DLG2: variants seen among roughly 807,000 people sequenced by gnomAD.
DLG2 encodes the protein discs large MAGUK scaffold protein 2.
A neutral mutation model predicts 132.5 loss-of-function variants in DLG2; 45 were observed. The observed-to-expected ratio is 0.34, with a 90% CI of 0.27 to 0.44. The LOEUF is 0.44. Ranked by LOEUF, DLG2 falls within the 20% of genes least tolerant of loss-of-function variation. The probability of loss-of-function intolerance (pLI) is 1.00; values close to 1 mark genes in which losing one functional copy is unlikely to be tolerated. For synonymous variants in DLG2, 424 were observed against 419.6 expected (o/e 1.01, Z -0.13); for missense variants, 1,045 against 1,196.9 (o/e 0.87, Z 1.87).
chr11:84,290,715 C>G (rs1424217157), intron 7 of DLG2, among the ~76,000 whole-genome samples: 1 of 152,056 alleles, frequency 6.6e-6, no homozygotes, highest in Non-Finnish European at 1.5e-5. Flanking sequence ...GGTCTTAAAG[C>G]TTGCTATTTG....
intron 3 of DLG2, among the ~76,000 whole-genome samples, chr11:85,409,616 T>C (rs1199720763): frequency 4.0e-5 from 6 of 151,782 alleles, no homozygotes. Context: ...CATTAAAGAA[T>C]CTTGAACTCA....
intron 3 of DLG2, among the ~76,000 whole-genome samples, chr11:85,580,107 C>T (rs1358823084): frequency 5.3e-5 from 8 of 152,184 alleles, no homozygotes; most frequent in Non-Finnish European, 1.2e-4. Context: ...CACACTCTCT[C>T]TCTCTTTGCC....
At chr11:84,373,269 A>AAAAC (rs1555532736) in intron 7 of DLG2, among the ~76,000 whole-genome samples, 8 of 128,430 alleles carry the variant, frequency 6.2e-5, no homozygotes, top group Non-Finnish European at 9.5e-5. Context: ...AAAAAACAAA[A>AAAAC]CAAAAAAAAA....
intron 3 of DLG2, among the ~76,000 whole-genome samples, chr11:85,370,613 A>G (rs1200830515): frequency 6.6e-6 from 1 of 152,220 alleles, no homozygotes; most frequent in Non-Finnish European, 1.5e-5. Flanking sequence ...TTTTGGCAAA[A>G]TAATTACCTT....
intron 6 of DLG2, among the ~76,000 whole-genome samples, chr11:85,074,202 T>C (rs904050674): frequency 1.3e-5 from 2 of 151,876 alleles, no homozygotes; most frequent in African/African-American, 4.8e-5. Flanking sequence ...ACATGCAATT[T>C]ACCTAGATAA....
intron 7 of DLG2, among the ~76,000 whole-genome samples, chr11:84,304,313 A>T (rs1205084926): frequency 6.6e-6 from 1 of 152,208 alleles, no homozygotes; most frequent in Non-Finnish European, 1.5e-5. Flanking sequence ...GGAGACTGAG[A>T]AGGAAACTAA....
At chr11:85,063,042 T>G (rs1331956774) in intron 6 of DLG2, among the ~76,000 whole-genome samples, 1 of 151,844 alleles carries the variant, frequency 6.6e-6, no homozygotes, top group Non-Finnish European at 1.5e-5. Flanking sequence ...GGTGATAACT[T>G]AACAAAATCT....
At chr11:84,091,917 G>A (rs1368015347) in intron 10 of DLG2, among the ~76,000 whole-genome samples, 1 of 152,148 alleles carries the variant, frequency 6.6e-6, no homozygotes, top group Non-Finnish European at 1.5e-5. Context: ...GACTTACTTA[G>A]TACGTAAAGG....
At chr11:85,301,336 C>T (rs888477105) in intron 3 of DLG2, among the ~76,000 whole-genome samples, 2 of 152,010 alleles carry the variant, frequency 1.3e-5, no homozygotes, top group Non-Finnish European at 2.9e-5. Context: ...AAGTATTGAT[C>T]ATGTCAGTAA....
intron 12 of DLG2, among the ~76,000 whole-genome samples, chr11:83,973,088 A>G (rs2091629597): frequency 6.6e-6 from 1 of 152,148 alleles, no homozygotes; most frequent in South Asian, 2.1e-4. Flanking sequence ...GGTACAAGAG[A>G]AAAACATTTG....
At chr11:84,358,893 T>C (rs938390898) in intron 7 of DLG2, among the ~76,000 whole-genome samples, 5 of 151,892 alleles carry the variant, frequency 3.3e-5, no homozygotes, top group Non-Finnish European at 5.9e-5. Context: ...AAGCAACTTA[T>C]CCAAGGCCAT....
chr11:85,159,019 C>T (rs763782832), intron 4 of DLG2, among the ~76,000 whole-genome samples: 1 of 152,198 alleles, frequency 6.6e-6, no homozygotes, highest in Non-Finnish European at 1.5e-5. Context: ...GACCCTACTA[C>T]ACTACCAACA....
chr11:85,370,018 T>G (rs1489743015), intron 3 of DLG2, among the ~76,000 whole-genome samples: 1 of 152,372 alleles, frequency 6.6e-6, no homozygotes, highest in South Asian at 2.1e-4. Flanking sequence ...GCAGGTCAGA[T>G]GCAAGGTTTG....
At chr11:84,654,174 T>A (rs2154547019) in intron 6 of DLG2, among the ~76,000 whole-genome samples, 1 of 152,302 alleles carries the variant, frequency 6.6e-6, no homozygotes, top group South Asian at 2.1e-4. Flanking sequence ...AATTCACCCA[T>A]GGAACTTCTT....
intron 6 of DLG2, among the ~76,000 whole-genome samples, chr11:84,711,432 A>T (rs1344117857): frequency 1.0e-5 from 1 of 97,176 alleles, no homozygotes; most frequent in African/African-American, 4.0e-5. Context: ...CCCCACACAC[A>T]TATGAATTGG....
intron 8 of DLG2, among the ~76,000 whole-genome samples, chr11:84,227,035 G>A (rs1239994258): frequency 2.0e-5 from 3 of 151,938 alleles, no homozygotes; most frequent in East Asian, 3.9e-4. Flanking sequence ...GCAGTGAGCC[G>A]AGATCGTGCC....
chr11:84,163,137 CAT>C (rs2095584456), intron 9 of DLG2, among the ~76,000 whole-genome samples: 1 of 152,072 alleles, frequency 6.6e-6, no homozygotes, highest in African/African-American at 2.4e-5. Flanking sequence ...CATCTTGTAA[CAT>C]ATCTAAATAA....
chr11:83,600,862 A>T (rs653546), intron 19 of DLG2, among the ~76,000 whole-genome samples: 24 of 152,214 alleles, frequency 1.6e-4, no homozygotes, highest in African/African-American at 5.3e-4. Flanking sequence ...GGTGTGATAG[A>T]GGCTGTTGAG....
chr11:84,434,427 A>G (rs2098994425), intron 7 of DLG2, among the ~76,000 whole-genome samples: 1 of 152,180 alleles, frequency 6.6e-6, no homozygotes, highest in Admixed American at 6.5e-5. Flanking sequence ...AGAAGGCGCT[A>G]GAGACACAAG....
Sources: allele counts gnomAD v4.1 joint callset (sites outside exome capture counted in the v4.1 genomes callset), GRCh38; gene constraint gnomAD v4.1.1; transcripts MANE v1.5; gene names NCBI Gene and HGNC (gene_info 2026-07-23, HGNC 2026-07-21).